TMEM120B: variants seen among roughly 807,000 people sequenced by gnomAD.
The protein encoded by TMEM120B is transmembrane protein 120B.
Under a neutral mutation model 55.5 loss-of-function variants are expected in TMEM120B, and 31 were observed. The ratio of observed to expected loss-of-function variants is 0.56; its 90% CI spans 0.42 to 0.75. The LOEUF is 0.75. Ranked by LOEUF, TMEM120B falls within the 30% of genes least tolerant of loss-of-function variation. The pLI is 0.00. For synonymous variants in TMEM120B, 203 were observed against 176.3 expected (o/e 1.15, Z -1.20); for missense variants, 399 against 425.5 (o/e 0.94, Z 0.55).
chr12:121,755,882 A>T (rs1320072206), intron 5 of TMEM120B, among the ~76,000 whole-genome samples: 1 of 151,998 alleles, frequency 6.6e-6, no homozygotes, highest in African/African-American at 2.4e-5. Context: ...TAATTGCTCC[A>T]CCCTTCTGAT....
At chr12:121,714,294 T>G (rs971900896) in intron 1 of TMEM120B, among the ~76,000 whole-genome samples, 1 of 152,192 alleles carries the variant, frequency 6.6e-6, no homozygotes, top group African/African-American at 2.4e-5. Flanking sequence ...AGTCTCACTG[T>G]CGCCCAGGCT....
At position 121,720,169 on chromosome 12, in the gene TMEM120B, A is replaced by G. The variant is rs957762939; in HGVS notation, c.69+7205A>G. On this transcript the variant is annotated intron_variant, in intron 1 of 11. Transcript: ENST00000449592. ...TGAACTCGGGCAACTTGATGGCAGC[A>G]TCAAATCACTTAACCATTGTGTTTT... Among the ~76,000 whole-genome samples, 5 of 152,316 alleles carry G rather than the reference A, an allele frequency of 3.3e-5. No individual in the cohort carries two copies. The South Asian group carries it at 8.3e-4, about 25-fold the overall frequency.
chr12:121,721,871 C>T (rs1894798109), intron 1 of TMEM120B, among the ~76,000 whole-genome samples: 1 of 138,930 alleles, frequency 7.2e-6, no homozygotes, highest in African/African-American at 2.8e-5. Context: ...TGCAGTGGCT[C>T]AATCTTAGCT....
intron 4 of TMEM120B, among the ~76,000 whole-genome samples, chr12:121,751,090 T>TA (rs1873301415): frequency 6.4e-5 from 2 of 31,374 alleles, no homozygotes; most frequent in South Asian, 1.2e-3. Flanking sequence ...ACCCCACACC[T>TA]ACACCCCACA....
Position 121,775,695 on chromosome 12 carries a change from G to A in TMEM120B, c.993G>A (p.Lys331=), listed in dbSNP as rs1874218830. ...TLKVVHAKLQ[K]NRGKTKQP ...AAGTCGTGCATGCCAAGCTCCAGAAGAACAGAGGCAAGACAAAGCAGCCGT... is the reference window on the plus strand; with the variant it reads ...AAGTCGTGCATGCCAAGCTCCAGAAAAACAGAGGCAAGACAAAGCAGCCGT... The change falls in exon 12 of 12, where the codon AAG becomes AAA. Residue 331 remains lysine, a synonymous_variant. Transcript: ENST00000449592. The surrounding 1 kb of genome is among the most constrained non-coding windows in gnomAD (Gnocchi z 4.3). The A allele has an allele frequency of 6.2e-7, 1 of 1,614,054 alleles. No individual in the cohort carries two copies. Among genetic ancestry groups the A allele is most frequent in the Non-Finnish European group, 8.5e-7 (1 of 1,179,972 alleles).
At chr12:121,767,925 G>C (rs934024472) in intron 6 of TMEM120B, among the ~76,000 whole-genome samples, 2 of 152,214 alleles carry the variant, frequency 1.3e-5, no homozygotes, top group East Asian at 3.8e-4. Flanking sequence ...ATTTCTCAGG[G>C]GAGCTTTGGG....
At chr12:121,730,724 G>A (rs1253166605) in intron 1 of TMEM120B, among the ~76,000 whole-genome samples, 1 of 151,078 alleles carries the variant, frequency 6.6e-6, no homozygotes, top group Admixed American at 6.6e-5. Flanking sequence ...TTGGGAGGCT[G>A]AGGCGGGTGG....
At chr12:121,752,304 C>G in intron 5 of TMEM120B, 81 bp downstream of exon 5, 1 of 1,188,696 alleles carries the variant, frequency 8.4e-7, no homozygotes, top group South Asian at 1.3e-5. Context: ...CCAGGGGACC[C>G]GGAGCCTCTC....
chr12:121,714,797 T>C (rs1401236583), intron 1 of TMEM120B, among the ~76,000 whole-genome samples: 1 of 151,378 alleles, frequency 6.6e-6, no homozygotes, highest in African/African-American at 2.4e-5. Flanking sequence ...CTTGACCTCG[T>C]GATCTGCCTG....
chr12:121,752,984 T>C (rs921400129), intron 5 of TMEM120B, among the ~76,000 whole-genome samples: 1 of 152,086 alleles, frequency 6.6e-6, no homozygotes, highest in Non-Finnish European at 1.5e-5. Context: ...GGCTCACACC[T>C]GTAATCTCAG....
chr12:121,743,534 G>T, intron 1 of TMEM120B, 95 bp from the exon 2 acceptor site: 1 of 927,214 alleles, frequency 1.1e-6, no homozygotes, highest in Non-Finnish European at 1.7e-6. Flanking sequence ...CTCCAGCCTG[G>T]GTGACAGAGC....
chr12:121,758,701 C>T, intron 5 of TMEM120B: 1 of 980,350 alleles, frequency 1.0e-6, no homozygotes, highest in East Asian at 1.2e-4. Context: ...GCTGTGGTCA[C>T]CATGGAGGAG....
chr12:121,761,604 G>A, intron 5 of TMEM120B, 45 bp from the exon 6 acceptor site: 1 of 1,486,362 alleles, frequency 6.7e-7, no homozygotes, highest in Non-Finnish European at 9.4e-7. Context: ...GGCTGTGCCT[G>A]GTTCTCACGC....
chr12:121,741,082 A>AT (rs989777062), intron 1 of TMEM120B, among the ~76,000 whole-genome samples: 8 of 151,852 alleles, frequency 5.3e-5, no homozygotes, highest in Admixed American at 2.6e-4. Flanking sequence ...GATTCTTGTG[A>AT]TTTTTTTTCA....
intron 3 of TMEM120B, among the ~76,000 whole-genome samples, 165 bp from the exon 4 acceptor site, chr12:121,750,215 T>A (rs1873231901): frequency 1.3e-5 from 2 of 151,908 alleles, no homozygotes. Flanking sequence ...CTTTGGTTAG[T>A]TGTCATTCTC....
intron 5 of TMEM120B, 81 bp downstream of exon 5, chr12:121,752,304 C>T (rs375028723): frequency 4.9e-5 from 58 of 1,188,696 alleles, no homozygotes; most frequent in African/African-American, 2.5e-4. Flanking sequence ...CCAGGGGACC[C>T]GGAGCCTCTC....
In TMEM120B at chr12:121,775,985, C is replaced by A. The variant is rs758930424; in HGVS notation, c.*263C>A. 2.0e-5 allele frequency: 12 copies of A among 593,650 alleles called. No individual in the cohort carries two copies. In the South Asian group the frequency reaches 2.2e-4, roughly 11 times the overall value. The allele number at this position is 593,650 out of a possible 1,614,324, so 36.8% of individuals were successfully genotyped here. On this transcript the variant is annotated 3_prime_UTR_variant, in exon 12 of 12. Transcript: ENST00000449592. The surrounding 1 kb of genome is among the most constrained non-coding windows in gnomAD (Gnocchi z 4.3). ...TCCTGTGCTTGAAGGTGGCTGAGGCCGGGCCAGTCTTCCTGGGGATGGGGC... is the reference window on the plus strand; with the variant it reads ...TCCTGTGCTTGAAGGTGGCTGAGGCAGGGCCAGTCTTCCTGGGGATGGGGC...
intron 1 of TMEM120B, among the ~76,000 whole-genome samples, chr12:121,735,341 A>G (rs1188209565): frequency 6.6e-6 from 1 of 152,174 alleles, no homozygotes; most frequent in African/African-American, 2.4e-5. Flanking sequence ...CAAACATTAA[A>G]GAGAATAAAT....
chr12:121,759,206 C>T (rs1168810807), intron 5 of TMEM120B, among the ~76,000 whole-genome samples: 1 of 150,846 alleles, frequency 6.6e-6, no homozygotes, highest in African/African-American at 2.4e-5. Flanking sequence ...AGCCACCGCA[C>T]CCAGCCAAGT....
Sources: allele counts gnomAD v4.1 joint callset (sites outside exome capture counted in the v4.1 genomes callset), GRCh38; gene constraint gnomAD v4.1.1; non-coding constraint Gnocchi (gnomAD v3.1); transcripts MANE v1.5; gene names NCBI Gene and HGNC (gene_info 2026-07-23, HGNC 2026-07-21).